Variants in PPP1R36 observed in about 807,000 individuals in gnomAD.
PPP1R36 encodes the protein chromosome 14 open reading frame 50.
A neutral mutation model predicts 53.4 loss-of-function variants in PPP1R36; 47 were observed. The ratio of observed to expected loss-of-function variants is 0.88; its 90% confidence interval spans 0.70 to 1.12. PPP1R36 has a LOEUF of 1.12. PPP1R36 is among the 50% of genes most tolerant of loss of function. The pLI, the probability that PPP1R36 is intolerant of heterozygous loss-of-function variation, is 0.00. For synonymous variants in PPP1R36, 153 were observed against 170.5 expected (o/e 0.90, Z 0.80); for missense variants, 456 against 513.9 (o/e 0.89, Z 1.09).
chr14:64,573,149 A>G (rs1016349132), intron 7 of PPP1R36, among the ~76,000 whole-genome samples: 1 of 152,222 alleles, frequency 6.6e-6, no homozygotes, highest in Admixed American at 6.5e-5. Flanking sequence ...TCACTTTTCA[A>G]TAACAGTACA....
intron 7 of PPP1R36, among the ~76,000 whole-genome samples, chr14:64,572,504 T>G (rs1566654699): frequency 6.6e-6 from 1 of 152,136 alleles, no homozygotes; most frequent in African/African-American, 2.4e-5. Flanking sequence ...TCTTGAGTAT[T>G]TTTTTTTCAT....
At chr14:64,583,832 A>G (rs1315242073) in intron 8 of PPP1R36, among the ~76,000 whole-genome samples, 86 of 150,628 alleles carry the variant, frequency 5.7e-4, no homozygotes, top group East Asian at 3.5e-3. Flanking sequence ...AAAAAAAAAA[A>G]AGAGAGAAAG....
At chr14:64,580,518 T>C (rs1177691400) in intron 8 of PPP1R36, among the ~76,000 whole-genome samples, 2 of 152,218 alleles carry the variant, frequency 1.3e-5, no homozygotes, top group African/African-American at 2.4e-5. Context: ...GGAACACATA[T>C]GTTTGAAAGT....
intron 8 of PPP1R36, among the ~76,000 whole-genome samples, chr14:64,583,535 C>G (rs1486975729): frequency 6.6e-6 from 1 of 152,064 alleles, no homozygotes; most frequent in Admixed American, 6.5e-5. Flanking sequence ...AAGAGTTAGG[C>G]CGGGCGCTGT....
chr14:64,583,075 ATTTT>A (rs34144614), intron 8 of PPP1R36, among the ~76,000 whole-genome samples: 2 of 133,134 alleles, frequency 1.5e-5, no homozygotes, highest in African/African-American at 5.5e-5. Context: ...ATATATATAT[ATTTT>A]TTTTTTGTAT....
chr14:64,564,891 T>G, intron 4 of PPP1R36, 54 bp downstream of exon 4: 1 of 1,223,158 alleles, frequency 8.2e-7, no homozygotes, highest in Non-Finnish European at 1.2e-6. Context: ...CTCAGTGGAA[T>G]GGCTTCAGCC....
At chr14:64,560,714 T>C (rs1179368763) in intron 3 of PPP1R36, among the ~76,000 whole-genome samples, 2 of 152,172 alleles carry the variant, frequency 1.3e-5, no homozygotes, top group Non-Finnish European at 2.9e-5. Flanking sequence ...GTGGTACTTA[T>C]TTACTGAGAT....
At chr14:64,554,158 T>G (rs1277904829) in intron 3 of PPP1R36, among the ~76,000 whole-genome samples, 1 of 144,840 alleles carries the variant, frequency 6.9e-6, no homozygotes, top group East Asian at 2.0e-4. Flanking sequence ...TTTTTTTTTT[T>G]TTTTTTTTTT....
In PPP1R36 at chr14:64,577,771, G is replaced by A. The variant is rs2080355312; in HGVS notation, c.668+3182G>A. Reference sequence around the variant, plus strand: ...GATGGAATCTCACTCTGTCACCCAGGCTGGAGTGCAGTGGTGCGATCTTGG... The same window carrying A: ...GATGGAATCTCACTCTGTCACCCAGACTGGAGTGCAGTGGTGCGATCTTGG... On this transcript the variant is annotated intron_variant, in intron 8 of 11. Transcript: ENST00000298705. 3.1e-5 allele frequency among the ~76,000 whole-genome samples: 4 copies of A among 127,866 alleles called. No individual in the cohort carries two copies. The Admixed American group carries it at 4.1e-4, about 13-fold the overall frequency. The allele number at this position is 127,866 out of a possible 152,430, so 83.9% of individuals were successfully genotyped here.
intron 7 of PPP1R36, 119 bp from the exon 8 acceptor site, chr14:64,574,336 C>G (rs1212250834): frequency 1.0e-6 from 1 of 1,004,674 alleles, no homozygotes; most frequent in Non-Finnish European, 1.4e-6. Context: ...GCCTAGGTAG[C>G]AGAGCAAGAC....
chr14:64,551,017 T>A, intron 2 of PPP1R36, 32 bp downstream of exon 2: 1 of 1,446,870 alleles, frequency 6.9e-7, no homozygotes, highest in Non-Finnish European at 9.6e-7. Context: ...TTAGAGTTTT[T>A]ATAAAAATTA....
intron 10 of PPP1R36, 31 bp downstream of exon 10, chr14:64,587,403 G>A (rs1170684883): frequency 3.0e-6 from 4 of 1,341,810 alleles, no homozygotes; most frequent in Admixed American, 5.1e-5. Context: ...TATGCTCAGG[G>A]GTATTTCTTT....
intron 7 of PPP1R36, among the ~76,000 whole-genome samples, chr14:64,572,297 C>T (rs1028363256): frequency 3.3e-5 from 5 of 152,130 alleles, no homozygotes; most frequent in African/African-American, 9.7e-5. Context: ...TAAGCGCATC[C>T]GTTTCAACAA....
intron 8 of PPP1R36, among the ~76,000 whole-genome samples, chr14:64,579,867 G>A (rs111764201): frequency 0.12 from 18,914 of 152,196 alleles, 1,720 homozygotes; most frequent in African/African-American, 0.26. Context: ...CTACTAGGGA[G>A]GCTGAGGCAG....
chr14:64,566,184 C>G (rs1320287811), intron 6 of PPP1R36, among the ~76,000 whole-genome samples: 1 of 152,172 alleles, frequency 6.6e-6, no homozygotes, highest in Non-Finnish European at 1.5e-5. Context: ...AGGAGAATTA[C>G]TTGAACCTGG....
At chr14:64,576,004 G>A (rs543474278) in intron 8 of PPP1R36, among the ~76,000 whole-genome samples, 5 of 151,120 alleles carry the variant, frequency 3.3e-5, no homozygotes, top group African/African-American at 1.2e-4. Flanking sequence ...GTTGCATTGG[G>A]TTTTATTACT....
At chr14:64,558,853 C>T (rs1163660695) in intron 3 of PPP1R36, among the ~76,000 whole-genome samples, 3 of 151,776 alleles carry the variant, frequency 2.0e-5, no homozygotes, top group African/African-American at 4.8e-5. Context: ...CTAGGTTGGC[C>T]TCAAACTCCT....
At chr14:64,552,882 G>A in intron 3 of PPP1R36, 21 bp downstream of exon 3, 4 of 1,604,678 alleles carry the variant, frequency 2.5e-6, no homozygotes, top group Non-Finnish European at 3.4e-6. Flanking sequence ...GACAGACAGT[G>A]AGATAGCTTT....
intron 2 of PPP1R36, among the ~76,000 whole-genome samples, chr14:64,552,461 C>A (rs2080102542): frequency 6.6e-6 from 1 of 152,062 alleles, no homozygotes; most frequent in Non-Finnish European, 1.5e-5. Context: ...TGCGCTCCAG[C>A]CTGGGCGACA....
Sources: allele counts gnomAD v4.1 joint callset (sites outside exome capture counted in the v4.1 genomes callset), GRCh38; gene constraint gnomAD v4.1.1; transcripts MANE v1.5; gene names NCBI Gene and HGNC (gene_info 2026-07-23, HGNC 2026-07-21).